Variants in SBNO1 observed in about 807,000 individuals in gnomAD.
SBNO1 encodes the protein strawberry notch homolog 1.
SBNO1 carries 23 observed loss-of-function variants against 173.6 expected under a neutral mutation model. That is an observed-to-expected ratio of 0.13 (90% CI 0.10 to 0.19). The LOEUF is 0.19. Ranked by LOEUF, SBNO1 falls within the 10% of genes least tolerant of loss-of-function variation. The pLI is 1.00. For synonymous variants in SBNO1, 632 were observed against 571.5 expected, an observed-to-expected ratio of 1.11 and a Z score of -1.51; for missense variants, 1,238 against 1,671.2, an observed-to-expected ratio of 0.74 and a Z score of 4.52.
rs138917151 is a variant in SBNO1 at position 123,318,300 on chromosome 12, T to G, written c.2800-944A>C. Among the ~76,000 whole-genome samples the G allele has an allele frequency of 7.7e-4, 117 of 151,096 alleles. 1 individual carries two copies. Among genetic ancestry groups the G allele is most frequent in the African/African-American group, 2.7e-3 (109 of 41,084 alleles). ...ACTAAAAATTCAAAAATTAGCCAGG[T>G]GTGGTGGTGTGTGCCTATATTCCCA... On this transcript the variant is annotated intron_variant, in intron 20 of 31. Transcript: ENST00000602398.
chr12:123,297,890 G>C, intron 31 of SBNO1, 88 bp downstream of exon 31: 1 of 1,197,132 alleles, frequency 8.4e-7, no homozygotes, highest in Non-Finnish European at 1.2e-6. Context: ...TTAGATGCAT[G>C]TGGAATAAAG....
chr12:123,313,473 TTA>T (rs1286797288), intron 24 of SBNO1, 145 bp downstream of exon 24: 5 of 499,866 alleles, frequency 1.0e-5, no homozygotes, highest in East Asian at 6.0e-5. Context: ...TACAAGATAA[TTA>T]TGTGTCCTAG....
At chr12:123,360,610 A>C (rs1380308728) in intron 1 of SBNO1, among the ~76,000 whole-genome samples, 1 of 151,730 alleles carries the variant, frequency 6.6e-6, no homozygotes, top group African/African-American at 2.4e-5. Context: ...ACGCCCAGCT[A>C]ATTTTTTGTA....
Position 123,331,390 on chromosome 12 carries a change from G to T in SBNO1, c.910-15C>A, listed in dbSNP as rs754432186. 6.2e-7 allele frequency: 1 copy of T among 1,612,020 alleles called. No homozygotes were observed. The highest frequency in any genetic ancestry group is 2.2e-5 in the East Asian group (1 of 44,870). ...GTTTCATGTTGCTGAAAAACAAAAG[G>T]CTGGTAATTAATATAATCCTTCAGA... On this transcript the variant is annotated splice_polypyrimidine_tract_variant and intron_variant, in intron 7 of 31. Coordinates refer to ENST00000602398, the MANE Select transcript of SBNO1 (RefSeq NM_001167856.3).
intron 1 of SBNO1, among the ~76,000 whole-genome samples, chr12:123,353,040 C>T (rs749282908): frequency 2.6e-5 from 4 of 152,174 alleles, no homozygotes; most frequent in Non-Finnish European, 5.9e-5. Context: ...TCAGGCAATC[C>T]GTCCGCCTCG....
intron 30 of SBNO1, among the ~76,000 whole-genome samples, chr12:123,300,353 G>A (rs1231917597): frequency 1.3e-5 from 2 of 152,082 alleles, no homozygotes; most frequent in Non-Finnish European, 2.9e-5. Context: ...TGTCCCCAGA[G>A]GAAATGTTTT....
At position 123,340,881 on chromosome 12, in the gene SBNO1, T is replaced by C. The variant is rs1164249215; in HGVS notation, c.651+107A>G. The C allele has an allele frequency of 4.3e-6, 3 of 704,304 alleles. No individual in the cohort carries two copies. In the Admixed American group the frequency reaches 8.8e-5, roughly 21 times the overall value. 43.6% of individuals were successfully genotyped at this position (704,304 alleles called of 1,614,324 possible). ...TTAGTTCCCACGCCTGTATAGCTTC[T>C]TCCCAACCCAAAAACAGCTTTCTGA... On this transcript the variant is annotated intron_variant, in intron 5 of 31. Transcript: ENST00000602398.
At chr12:123,326,724 C>T (rs1329952339) in intron 13 of SBNO1, among the ~76,000 whole-genome samples, 1 of 152,024 alleles carries the variant, frequency 6.6e-6, no homozygotes. Flanking sequence ...CCAGGAGTTC[C>T]AGATCAGGCT....
At position 123,330,491 on chromosome 12, in the gene SBNO1, G is replaced by C; in HGVS notation, c.1062C>G (p.Asp354Glu). 1 of 1,595,182 alleles carries C rather than the reference G, an allele frequency of 6.3e-7. No homozygotes were observed. The highest frequency in any genetic ancestry group is 8.5e-7 in the Non-Finnish European group (1 of 1,170,842). ...AATCTCTTTCAGCATCATACTTTAA[G>C]TCATTTGAAACACTAAACCTGCCAA... ...KRALWFSVSN[D>E]LKYDAERDLR... Residue 354 changes from aspartate to glutamate, a missense_variant, in exon 9 of 32, where the codon GAC becomes GAG. By Grantham distance (45) the Asp-to-Glu change is conservative. Around this residue, in one of 14 missense-constraint regions of SBNO1, gnomAD observed 56 missense variants for 65.1 expected, o/e 0.86. Transcript: ENST00000602398.
chr12:123,357,754 GAAAC>G (rs1358805615), intron 1 of SBNO1, among the ~76,000 whole-genome samples: 4 of 152,134 alleles, frequency 2.6e-5, no homozygotes, highest in Admixed American at 6.6e-5. Flanking sequence ...CTCCATCTCA[GAAAC>G]AAACAAAACA....
chr12:123,360,733 C>T (rs188846213), intron 1 of SBNO1, among the ~76,000 whole-genome samples: 10 of 152,128 alleles, frequency 6.6e-5, no homozygotes, highest in African/African-American at 2.2e-4. Flanking sequence ...CGTGCACCAC[C>T]AAGCTTGGCC....
chr12:123,290,226 A>G lies in SBNO1; in HGVS notation c.*5682T>C, dbSNP rs1440868579. On this transcript the variant is annotated 3_prime_UTR_variant, in exon 32 of 32. Coordinates refer to ENST00000602398, the MANE Select transcript of SBNO1 (RefSeq NM_001167856.3). Reference sequence around the variant, plus strand: ...AGGAGGGTCTGCGTGGAGGATGCACACTGGAGGCAATCTGTGACAGGCCCC... The same window carrying G: ...AGGAGGGTCTGCGTGGAGGATGCACGCTGGAGGCAATCTGTGACAGGCCCC... 6.6e-6 allele frequency: 1 copy of G among 152,260 alleles called. No homozygotes were observed. Among genetic ancestry groups the G allele is most frequent in the Non-Finnish European group, 1.5e-5 (1 of 68,082 alleles). 9.4% of individuals were successfully genotyped at this position (152,260 alleles called of 1,614,324 possible).
rs143013489 is a variant in SBNO1 at position 123,294,634 on chromosome 12, C to CAAAAAAAAAAAAAAA, written c.*1259_*1273dup. The CAAAAAAAAAAAAAAA allele has an allele frequency of 2.5e-3, 150 of 60,014 alleles. 4 individuals are homozygous for CAAAAAAAAAAAAAAA. Among genetic ancestry groups the CAAAAAAAAAAAAAAA allele is most frequent in the African/African-American group, 5.6e-3 (69 of 12,270 alleles). The allele number at this position is 60,014 out of a possible 1,614,324, so 3.7% of individuals were successfully genotyped here. On this transcript the variant is annotated 3_prime_UTR_variant, in exon 32 of 32. Transcript: ENST00000602398. ...TTTTCAATAGTGCAACCTGTGGAAG[C>CAAAAAAAAAAAAAAA]AAAAAAAAAAAAAAAAAAAAAAAAA...
chr12:123,346,829 G>C (rs990086887), intron 3 of SBNO1, among the ~76,000 whole-genome samples: 9 of 152,002 alleles, frequency 5.9e-5, no homozygotes, highest in Non-Finnish European at 1.2e-4. Context: ...TGTAATCCCA[G>C]CACTTTGGGA....
At chr12:123,359,084 C>G (rs1874813773) in intron 1 of SBNO1, among the ~76,000 whole-genome samples, 1 of 151,764 alleles carries the variant, frequency 6.6e-6, no homozygotes, top group African/African-American at 2.4e-5. Context: ...AGGCGCCCAC[C>G]ACCATACTCA....
At position 123,325,493 on chromosome 12, in the gene SBNO1, A is replaced by C; in HGVS notation, c.1973+9T>G. 1 of 1,586,110 alleles carries C rather than the reference A, an allele frequency of 6.3e-7. No individual in the cohort carries two copies. The highest frequency in any genetic ancestry group is 1.1e-5 in the South Asian group (1 of 90,072). On this transcript the variant is annotated intron_variant, in intron 15 of 31. Coordinates refer to ENST00000602398, the MANE Select transcript of SBNO1 (RefSeq NM_001167856.3). ...AGAAACAAAAACATTAAAAGAACAA[A>C]AACATTACTTGGCAGTTGAAACAAA... is the stretch of plus-strand genomic sequence containing the variant.
chr12:123,326,701 G>C (rs1870645133), intron 13 of SBNO1, among the ~76,000 whole-genome samples: 1 of 152,296 alleles, frequency 6.6e-6, no homozygotes, highest in African/African-American at 2.4e-5. Context: ...TGAGGCAGGT[G>C]GATTGCTTGA....
At chr12:123,338,501 T>G (rs1163369508) in intron 5 of SBNO1, among the ~76,000 whole-genome samples, 1 of 151,880 alleles carries the variant, frequency 6.6e-6, no homozygotes, top group Non-Finnish European at 1.5e-5. Flanking sequence ...GCCAAGGTAG[T>G]GAAACCCCAT....
At position 123,320,970 on chromosome 12, in the gene SBNO1, G is replaced by T. The variant is rs1184538485; in HGVS notation, c.2324-104C>A. 1.2e-5 allele frequency: 11 copies of T among 953,812 alleles called. No homozygotes were observed. In the Admixed American group the frequency reaches 1.7e-4, roughly 15 times the overall value. 59.1% of individuals were successfully genotyped at this position (953,812 alleles called of 1,614,324 possible). A position where few individuals can be genotyped will look rare whatever the true frequency, so the allele number is the denominator to read the frequency against. On this transcript the variant is annotated intron_variant, in intron 17 of 31. Coordinates refer to ENST00000602398, the MANE Select transcript of SBNO1 (RefSeq NM_001167856.3). ...TTTTATTTTTTTGAGACAATGTTTC[G>T]CTGTTGTAGCCCAGGCTGGAGTGCA...
Sources: allele counts gnomAD v4.1 joint callset (sites outside exome capture counted in the v4.1 genomes callset), GRCh38; gene constraint gnomAD v4.1.1; regional missense constraint gnomAD v4.1.1; transcripts MANE v1.5; gene names NCBI Gene and HGNC (gene_info 2026-07-23, HGNC 2026-07-21).